SDR42E1: variants seen among roughly 807,000 people sequenced by gnomAD.
SDR42E1 encodes short chain dehydrogenase/reductase family 42E, member 1.
Under a neutral mutation model 2.6 loss-of-function variants are expected in SDR42E1, and 5 were observed. The ratio of observed to expected loss-of-function variants is 1.94; its 90% confidence interval spans 1.01 to 4.08. The LOEUF (loss-of-function observed/expected upper bound fraction) is 4.08, where lower values mean the gene tolerates loss of function less well. SDR42E1 is among the 30% of genes most tolerant of loss of function. The pLI is 0.00. For synonymous variants in SDR42E1, 231 were observed against 188.3 expected (o/e 1.23, Z -1.86); for missense variants, 596 against 478.6 (o/e 1.25, Z -2.29).
At position 81,999,641 on chromosome 16, in the gene SDR42E1, T is replaced by A; in HGVS notation, c.652A>T (p.Ser218Cys). Residue 218 changes from serine to cysteine, a missense_variant, in exon 3 of 3, where the codon AGC becomes TGC. Physicochemically the swap from Ser to Cys is moderately radical, Grantham distance 112. Transcript: ENST00000328945. ...TCCACGTGGACAAACTCAACCAGGC[T>A]CCTGGGGTCCCCGTAGACAAACTTG... ...LFKFVYGDPR[S>C]LVEFVHVDNL... 2 of 1,614,152 alleles carry A rather than the reference T, an allele frequency of 1.2e-6. No homozygotes were observed. Among genetic ancestry groups the A allele is most frequent in the South Asian group, 2.2e-5 (2 of 91,066 alleles).
Position 81,992,008 on chromosome 16 carries a change from T to C in SDR42E1, c.*7103A>G, listed in dbSNP as rs1304781611. On this transcript the variant is annotated 3_prime_UTR_variant, in exon 3 of 3. Coordinates refer to ENST00000328945, the MANE Select transcript of SDR42E1 (RefSeq NM_145168.3). ...AAATCACCGCTAATTAAACAAAAAT[T>C]AGCCGGTTGTGGTGGTGGGCGCCTG... is the stretch of plus-strand genomic sequence containing the variant. 3 of 151,962 alleles carry C rather than the reference T, an allele frequency of 2.0e-5. No individual in the cohort carries two copies. The highest frequency in any genetic ancestry group is 7.3e-5 in the African/African-American group (3 of 41,338). The allele number at this position is 151,962 out of a possible 1,614,324, so 9.4% of individuals were successfully genotyped here. A position where few individuals can be genotyped will look rare whatever the true frequency, so the allele number is the denominator to read the frequency against.
intron 1 of SDR42E1, among the ~76,000 whole-genome samples, chr16:82,008,686 T>C (rs1310766335): frequency 6.6e-6 from 1 of 152,136 alleles, no homozygotes; most frequent in Non-Finnish European, 1.5e-5. Context: ...AAGCAGAGTG[T>C]AGGTTTGAAA....
rs562556639 is a variant in SDR42E1 at position 82,005,291 on chromosome 16, AG to A, written c.-26-4408del. Among the ~76,000 whole-genome samples, 439 of 152,344 alleles carry A rather than the reference AG, an allele frequency of 2.9e-3. 1 individual carries two copies. Among genetic ancestry groups the A allele is most frequent in the Non-Finnish European group, 4.8e-3 (329 of 68,020 alleles). ...ACTCCATTACCTTCCAACTAGTTTCAGAATGATCTGAGGCAAAAACTTGTAT... is the reference window on the plus strand; with the variant it reads ...ACTCCATTACCTTCCAACTAGTTTCAAATGATCTGAGGCAAAAACTTGTAT... On this transcript the variant is annotated intron_variant, in intron 1 of 2. Transcript: ENST00000328945.
intron 1 of SDR42E1, 46 bp from the exon 2 acceptor site, chr16:82,000,930 G>T: frequency 1.5e-6 from 2 of 1,319,432 alleles, no homozygotes; most frequent in Non-Finnish European, 2.1e-6. Flanking sequence ...AAATGCAAAC[G>T]TCATTCTCCC....
intron 1 of SDR42E1, among the ~76,000 whole-genome samples, chr16:82,001,165 CA>C (rs1301923462): frequency 6.6e-6 from 1 of 151,978 alleles, no homozygotes; most frequent in East Asian, 1.9e-4. Flanking sequence ...TTGAGAGCCA[CA>C]AAAAACGTTT....
chr16:82,008,299 G>C (rs946509429), intron 1 of SDR42E1, among the ~76,000 whole-genome samples: 3 of 152,200 alleles, frequency 2.0e-5, no homozygotes, highest in Non-Finnish European at 2.9e-5. Flanking sequence ...AATTGGCACT[G>C]GGTAGTGGGG....
rs572147062 is a variant in SDR42E1 at position 81,998,714 on chromosome 16, T to C, written c.*397A>G. The C allele has an allele frequency of 1.1e-5, 2 of 188,512 alleles. No individual in the cohort carries two copies. The highest frequency in any genetic ancestry group is 1.5e-4 in the East Asian group (1 of 6,630). The allele number at this position is 188,512 out of a possible 1,614,324, so 11.7% of individuals were successfully genotyped here. A position where few individuals can be genotyped will look rare whatever the true frequency, so the allele number is the denominator to read the frequency against. ...GTTTTTCACACGCATTCAAGCCTGA[T>C]AGTGTTTCGCCATTCCCACATCAGT... On this transcript the variant is annotated 3_prime_UTR_variant, in exon 3 of 3. Transcript: ENST00000328945.
intron 1 of SDR42E1, among the ~76,000 whole-genome samples, chr16:82,009,836 C>A (rs1913068782): frequency 6.6e-6 from 1 of 152,188 alleles, no homozygotes; most frequent in East Asian, 1.9e-4. Context: ...TTGGCTGTGT[C>A]TCCACCCAAA....
chr16:82,006,308 T>C (rs766786647), intron 1 of SDR42E1, among the ~76,000 whole-genome samples: 2 of 152,240 alleles, frequency 1.3e-5, no homozygotes, highest in African/African-American at 4.8e-5. Flanking sequence ...AACTGTATTC[T>C]TATTATATTG....
chr16:82,002,143 T>C (rs1162136237), intron 1 of SDR42E1, among the ~76,000 whole-genome samples: 3 of 151,500 alleles, frequency 2.0e-5, no homozygotes, highest in Admixed American at 6.6e-5. Flanking sequence ...CATGGAAGAG[T>C]GTGGAGACAG....
rs1597173045 is a variant in SDR42E1, at chr16:81,995,682, AAG to A, written c.*3427_*3428del. The A allele has an allele frequency of 2.0e-5, 3 of 152,376 alleles. No homozygotes were observed. In the South Asian group the frequency reaches 6.2e-4, roughly 32 times the overall value. The allele number at this position is 152,376 out of a possible 1,614,324, so 9.4% of individuals were successfully genotyped here. A position where few individuals can be genotyped will look rare whatever the true frequency, so the allele number is the denominator to read the frequency against. The stretch of plus-strand genomic sequence containing the variant: ...ACAGTGAGTTATCTGTGTGCTAGAA[AAG>A]AGTGTTCATCCATAGCAGATGGGAA... On this transcript the variant is annotated 3_prime_UTR_variant, in exon 3 of 3. Transcript: ENST00000328945.
chr16:82,003,975 T>C (rs1333896131), intron 1 of SDR42E1, among the ~76,000 whole-genome samples: 1 of 152,222 alleles, frequency 6.6e-6, no homozygotes, highest in East Asian at 1.9e-4. Flanking sequence ...TAAGAGCTGC[T>C]GTTCTGCAAG....
chr16:82,009,962 G>T (rs890498203), intron 1 of SDR42E1, among the ~76,000 whole-genome samples: 1 of 152,226 alleles, frequency 6.6e-6, no homozygotes, highest in Admixed American at 6.5e-5. Context: ...TAGTGAATAA[G>T]TCTCAAAAGA....
chr16:82,002,963 T>A (rs551502891), intron 1 of SDR42E1, among the ~76,000 whole-genome samples: 1 of 152,182 alleles, frequency 6.6e-6, no homozygotes, highest in Non-Finnish European at 1.5e-5. Context: ...TGACTACATC[T>A]CTCAAAAGCA....
intron 1 of SDR42E1, among the ~76,000 whole-genome samples, chr16:82,009,506 A>T (rs902510318): frequency 1.3e-5 from 2 of 152,238 alleles, no homozygotes; most frequent in African/African-American, 4.8e-5. Flanking sequence ...TGGAGTTTCA[A>T]GATGTGACTG....
At chr16:82,011,176 G>A (rs1344497898) in intron 1 of SDR42E1, among the ~76,000 whole-genome samples, 1 of 152,228 alleles carries the variant, frequency 6.6e-6, no homozygotes, top group African/African-American at 2.4e-5. Context: ...AGTGTTTGAG[G>A]CCTTGGCGAC....
intron 2 of SDR42E1, among the ~76,000 whole-genome samples, chr16:82,000,571 A>C (rs1912724457): frequency 6.6e-6 from 1 of 152,236 alleles, no homozygotes; most frequent in African/African-American, 2.4e-5. Flanking sequence ...TGGTGATGTG[A>C]ATAGTCACCC....
chr16:82,006,469 C>T (rs986473709), intron 1 of SDR42E1, among the ~76,000 whole-genome samples: 13 of 152,070 alleles, frequency 8.5e-5, no homozygotes, highest in African/African-American at 3.1e-4. Context: ...GAGAAGAATT[C>T]TGATACAGAT....
In SDR42E1 at chr16:81,997,495, A is replaced by T. The variant is rs571091053; in HGVS notation, c.*1616T>A. The stretch of plus-strand genomic sequence containing the variant: ...TGCAGCTTCCACCCTGCTGTCTTGG[A>T]TGACCTGCTCTGGGGATGAGGATAT... On this transcript the variant is annotated 3_prime_UTR_variant, in exon 3 of 3. Transcript: ENST00000328945. The T allele has an allele frequency of 3.9e-5, 6 of 152,410 alleles. No homozygotes were observed. The South Asian group carries it at 1.2e-3, about 32-fold the overall frequency. 9.4% of individuals were successfully genotyped at this position (152,410 alleles called of 1,614,324 possible). A position where few individuals can be genotyped will look rare whatever the true frequency, so the allele number is the denominator to read the frequency against.
Sources: allele counts gnomAD v4.1 joint callset (sites outside exome capture counted in the v4.1 genomes callset), GRCh38; gene constraint gnomAD v4.1.1; transcripts MANE v1.5; gene names NCBI Gene and HGNC (gene_info 2026-07-23, HGNC 2026-07-21).